The following MAP4 variants were observed in gnomAD, a reference collection of about 807,000 sequenced individuals.
The protein encoded by MAP4 is microtubule associated protein 4.
MAP4 carries 76 observed loss-of-function variants against 170.2 expected under a neutral mutation model. The observed-to-expected ratio is 0.45, with a 90% CI of 0.37 to 0.54. The LOEUF (loss-of-function observed/expected upper bound fraction) is 0.54, where lower values mean the gene tolerates loss of function less well. Among genes scored for constraint, MAP4 ranks in the 20% least tolerant of loss-of-function variants. MAP4 has a pLI of 0.00. For missense variants in MAP4, 2,506 were observed against 2,748.0 expected, an observed-to-expected ratio of 0.91 and a Z score of 1.97; for synonymous variants, 909 against 994.5, an observed-to-expected ratio of 0.91 and a Z score of 1.62.
intron 10 of MAP4, among the ~76,000 whole-genome samples, chr3:47,888,273 G>C (rs1052655545): frequency 2.0e-5 from 3 of 152,196 alleles, no homozygotes; most frequent in Admixed American, 2.0e-4. Flanking sequence ...GCCCGAGCCA[G>C]CACTGGTAAC....
At chr3:48,047,104 A>AAATG (rs1231334008) in intron 1 of MAP4, among the ~76,000 whole-genome samples, 2 of 146,324 alleles carry the variant, frequency 1.4e-5, no homozygotes, top group African/African-American at 4.9e-5. Flanking sequence ...AAAAATAAAT[A>AAATG]AATAAATAAA....
At chr3:47,895,468 T>C (rs1157109666) in intron 10 of MAP4, among the ~76,000 whole-genome samples, 2 of 152,256 alleles carry the variant, frequency 1.3e-5, no homozygotes, top group Non-Finnish European at 2.9e-5. Flanking sequence ...GTATCTTCAG[T>C]AACCTTTCTG....
intron 1 of MAP4, among the ~76,000 whole-genome samples, chr3:48,063,599 T>TG (rs368684606): frequency 6.2e-4 from 94 of 152,202 alleles, no homozygotes; most frequent in African/African-American, 2.2e-3. Context: ...CCAACTAGGA[T>TG]GCCTTTAATA....
intron 3 of MAP4, among the ~76,000 whole-genome samples, chr3:47,965,996 G>T (rs1336894867): frequency 6.6e-6 from 1 of 152,018 alleles, no homozygotes; most frequent in Admixed American, 6.5e-5. Flanking sequence ...TCTAAGAAAT[G>T]TATAGCCTTG....
chr3:47,987,021 A>T (rs747081038), intron 2 of MAP4, among the ~76,000 whole-genome samples: 1 of 152,240 alleles, frequency 6.6e-6, no homozygotes, highest in Non-Finnish European at 1.5e-5. Flanking sequence ...ATGTGCCAAG[A>T]GCAGTGGTCT....
Position 48,025,247 on chromosome 3 carries a change from C to T in MAP4, c.-19-26368G>A, listed in dbSNP as rs192645629. On this transcript the variant is annotated intron_variant, in intron 1 of 18. Transcript: ENST00000360240. The stretch of plus-strand genomic sequence containing the variant: ...ACTTAATAGTAAATGACAAGCACTG[C>T]ATTTTTAGAAAGCGCTAATTTTATT... 2.7e-5 allele frequency among the ~76,000 whole-genome samples: 4 copies of T among 150,896 alleles called. No individual in the cohort carries two copies. In the South Asian group the frequency reaches 6.3e-4, roughly 24 times the overall value.
chr3:47,929,627 C>CA (rs71070242), intron 3 of MAP4, among the ~76,000 whole-genome samples: 202 of 11,200 alleles, frequency 0.018, 76 homozygotes, highest in Non-Finnish European at 0.022. Context: ...ACTTATTATG[C>CA]AAAAAAAAAA....
At chr3:47,873,865 T>A (rs1195912530) in intron 12 of MAP4, among the ~76,000 whole-genome samples, 2 of 152,204 alleles carry the variant, frequency 1.3e-5, no homozygotes, top group African/African-American at 4.8e-5. Context: ...CTCAAAAGGA[T>A]GTTGCATCTT....
intron 1 of MAP4, among the ~76,000 whole-genome samples, chr3:48,049,761 T>A (rs1347147593): frequency 6.6e-6 from 1 of 151,636 alleles, no homozygotes; most frequent in Non-Finnish European, 1.5e-5. Flanking sequence ...TGAAACCCTG[T>A]CTCTACTAAA....
intron 2 of MAP4, among the ~76,000 whole-genome samples, chr3:47,988,231 T>C (rs2100090052): frequency 1.4e-5 from 2 of 142,822 alleles, no homozygotes; most frequent in South Asian, 4.6e-4. Flanking sequence ...AAAAGATAGA[T>C]GAGATGGATG....
chr3:47,890,798 T>G (rs1163996351), intron 10 of MAP4, among the ~76,000 whole-genome samples: 1 of 152,184 alleles, frequency 6.6e-6, no homozygotes, highest in African/African-American at 2.4e-5. Context: ...CAATTCACAT[T>G]ATCTGTCATG....
intron 9 of MAP4, among the ~76,000 whole-genome samples, chr3:47,903,618 A>T (rs937823917): frequency 1.3e-5 from 2 of 152,244 alleles, no homozygotes; most frequent in African/African-American, 4.8e-5. Flanking sequence ...GCCTGGAAGA[A>T]CATGCATAGT....
intron 1 of MAP4, among the ~76,000 whole-genome samples, chr3:48,063,056 T>C (rs1354354970): frequency 2.8e-4 from 42 of 151,618 alleles, no homozygotes; most frequent in Non-Finnish European, 4.4e-5. Context: ...ATAACATATG[T>C]CATCAGAGAA....
At chr3:47,894,686 T>C (rs1425484939) in intron 10 of MAP4, among the ~76,000 whole-genome samples, 1 of 152,018 alleles carries the variant, frequency 6.6e-6, no homozygotes, top group Non-Finnish European at 1.5e-5. Flanking sequence ...ATACATATAA[T>C]TGAATAATAT....
intron 2 of MAP4, among the ~76,000 whole-genome samples, chr3:47,983,344 T>C (rs1330196660): frequency 6.6e-6 from 1 of 152,086 alleles, no homozygotes; most frequent in South Asian, 2.1e-4. Context: ...AAGTATATGG[T>C]GACAACAGGT....
At chr3:47,966,227 CCTTT>C (rs2100074856) in intron 3 of MAP4, among the ~76,000 whole-genome samples, 1 of 83,160 alleles carries the variant, frequency 1.2e-5, no homozygotes, top group African/African-American at 4.1e-5. Flanking sequence ...GCCCACACTA[CCTTT>C]TTTTTTTTTT....
At chr3:47,995,907 T>A (rs1305639701) in intron 2 of MAP4, among the ~76,000 whole-genome samples, 1 of 151,896 alleles carries the variant, frequency 6.6e-6, no homozygotes, top group African/African-American at 2.4e-5. Flanking sequence ...CAAGTAAAAA[T>A]TGTAGTGATT....
intron 3 of MAP4, among the ~76,000 whole-genome samples, chr3:47,962,768 G>A (rs748714384): frequency 2.0e-4 from 30 of 152,262 alleles, no homozygotes; most frequent in Middle Eastern, 3.4e-3. Flanking sequence ...ATCACCTACC[G>A]CAGAACATAC....
intron 3 of MAP4, among the ~76,000 whole-genome samples, chr3:47,951,806 C>T (rs1387824577): frequency 4.0e-5 from 6 of 150,654 alleles, no homozygotes; most frequent in Non-Finnish European, 4.4e-5. Context: ...TCTGCCTGGC[C>T]GCCCATCGTC....
Sources: gnomAD v4.1 joint callset for allele counts (sites outside exome capture counted in the v4.1 genomes callset) on GRCh38, gnomAD v4.1.1 for gene constraint, MANE v1.5 for transcripts, NCBI Gene and HGNC (gene_info 2026-07-23, HGNC 2026-07-21) for gene names.